Variants in GPC6 observed in about 807,000 individuals in gnomAD.
GPC6 encodes the protein glypican 6, also known as glypican-6.
A neutral mutation model predicts 55.2 loss-of-function variants in GPC6; 14 were observed. The observed-to-expected ratio is 0.25, with a 90% confidence interval of 0.17 to 0.40. The LOEUF (loss-of-function observed/expected upper bound fraction) is 0.40. Among genes scored for constraint, GPC6 ranks in the 10% least tolerant of loss-of-function variants. GPC6 has a pLI of 1.00. For synonymous variants in GPC6, 278 were observed against 259.6 expected (o/e 1.07, Z -0.68); for missense variants, 641 against 708.5 (o/e 0.90, Z 1.08).
intron 6 of GPC6, among the ~76,000 whole-genome samples, chr13:94,369,873 A>C (rs1197899580): frequency 6.6e-6 from 1 of 152,124 alleles, no homozygotes; most frequent in African/African-American, 2.4e-5. Context: ...CTAAAGTTAC[A>C]TTTGGAAAGA....
At chr13:93,919,526 T>G (rs556777874) in intron 3 of GPC6, among the ~76,000 whole-genome samples, 13 of 152,320 alleles carry the variant, frequency 8.5e-5, no homozygotes, top group Admixed American at 3.3e-4. Context: ...CATAAAAATG[T>G]CAGACACATC....
chr13:93,355,994 T>G (rs1880836757), intron 1 of GPC6, among the ~76,000 whole-genome samples: 1 of 152,068 alleles, frequency 6.6e-6, no homozygotes, highest in Non-Finnish European at 1.5e-5. Flanking sequence ...GGTGGTGTCT[T>G]AGCTCGAAAT....
intron 2 of GPC6, among the ~76,000 whole-genome samples, chr13:93,795,440 G>A (rs980549562): frequency 4.6e-5 from 7 of 152,196 alleles, no homozygotes; most frequent in African/African-American, 1.2e-4. Flanking sequence ...AGAGTCCCTC[G>A]TTTTCCTAGC....
At chr13:93,377,705 C>T (rs930331305) in intron 1 of GPC6, among the ~76,000 whole-genome samples, 7 of 152,198 alleles carry the variant, frequency 4.6e-5, no homozygotes, top group Admixed American at 4.6e-4. Flanking sequence ...TCCTGATGAA[C>T]ACCCTGATTT....
intron 1 of GPC6, among the ~76,000 whole-genome samples, chr13:93,517,636 T>A (rs1362614666): frequency 6.6e-6 from 1 of 152,040 alleles, no homozygotes; most frequent in Non-Finnish European, 1.5e-5. Context: ...GCTGTTGTAA[T>A]TTTTTTAGTC....
intron 2 of GPC6, among the ~76,000 whole-genome samples, chr13:93,670,442 A>G (rs1158985842): frequency 6.6e-6 from 1 of 152,236 alleles, no homozygotes; most frequent in Non-Finnish European, 1.5e-5. Flanking sequence ...ATTTGTGTTC[A>G]GTAATATTAA....
chr13:93,243,737 C>T lies in GPC6; in HGVS notation c.160+16121C>T, dbSNP rs548960267. On this transcript the variant is annotated intron_variant, in intron 1 of 8. Coordinates refer to ENST00000377047, the MANE Select transcript of GPC6 (RefSeq NM_005708.5). ...AGCGGGCTCAAGTCCTCCTGGGTAGCTGGGGTGGTGTGGACAATGGTGTTA... is the reference window on the plus strand; with the variant it reads ...AGCGGGCTCAAGTCCTCCTGGGTAGTTGGGGTGGTGTGGACAATGGTGTTA... Among the ~76,000 whole-genome samples the T allele has an allele frequency of 1.3e-3, 200 of 151,586 alleles. 2 individuals are homozygous for T. The highest frequency in any genetic ancestry group is 4.7e-3 in the African/African-American group (193 of 40,896).
intron 1 of GPC6, among the ~76,000 whole-genome samples, chr13:93,544,165 A>C (rs1882449150): frequency 6.6e-6 from 1 of 152,270 alleles, no homozygotes. Context: ...AATGACTTCA[A>C]AACAGCAAAA....
chr13:94,375,419 C>A (rs534734162), intron 6 of GPC6, among the ~76,000 whole-genome samples: 7,646 of 152,096 alleles, frequency 0.05, 629 homozygotes, highest in African/African-American at 0.17. Context: ...ACTACAAACA[C>A]CTCTATGCAA....
At chr13:93,713,155 A>G (rs1235784688) in intron 2 of GPC6, among the ~76,000 whole-genome samples, 2 of 151,642 alleles carry the variant, frequency 1.3e-5, no homozygotes, top group Non-Finnish European at 3.0e-5. Context: ...AACACATTTT[A>G]TCCAAAATAT....
chr13:94,043,177 C>T (rs1883603240), intron 4 of GPC6, among the ~76,000 whole-genome samples: 1 of 151,750 alleles, frequency 6.6e-6, no homozygotes, highest in Non-Finnish European at 1.5e-5. Context: ...CCTACCTGTT[C>T]TCCGGGGAGC....
intron 3 of GPC6, among the ~76,000 whole-genome samples, chr13:93,941,822 C>CATT (rs1433590439): frequency 1.3e-5 from 2 of 152,164 alleles, no homozygotes; most frequent in African/African-American, 4.8e-5. Context: ...AGAGAAAAGG[C>CATT]ATTATATCCT....
chr13:93,829,687 T>C (rs1887407125), intron 2 of GPC6, among the ~76,000 whole-genome samples: 1 of 152,224 alleles, frequency 6.6e-6, no homozygotes, highest in Non-Finnish European at 1.5e-5. Context: ...GACATTAATT[T>C]GAACATCTCA....
At chr13:93,580,011 C>A (rs769620843) in intron 2 of GPC6, among the ~76,000 whole-genome samples, 1 of 152,154 alleles carries the variant, frequency 6.6e-6, no homozygotes, top group Non-Finnish European at 1.5e-5. Context: ...ATTTCTCATT[C>A]CTTGTATGTC....
intron 4 of GPC6, among the ~76,000 whole-genome samples, chr13:94,113,662 C>T (rs947866189): frequency 3.9e-5 from 6 of 152,106 alleles, no homozygotes; most frequent in African/African-American, 1.2e-4. Flanking sequence ...TATTCAAATC[C>T]AGCCAACTAG....
At chr13:93,430,867 A>G (rs1309377998) in intron 1 of GPC6, among the ~76,000 whole-genome samples, 1 of 152,148 alleles carries the variant, frequency 6.6e-6, no homozygotes, top group Admixed American at 6.6e-5. Flanking sequence ...TGATATTGAC[A>G]GGAAGCAATT....
chr13:93,276,487 AGAGAGAGAGTGT>A (rs1186030039), intron 1 of GPC6, among the ~76,000 whole-genome samples: 33 of 135,892 alleles, frequency 2.4e-4, no homozygotes, highest in African/African-American at 9.2e-4. Flanking sequence ...AGAGAGAGAG[AGAGAGAGAGTGT>A]GTGTGTGTGT....
In GPC6 at chr13:93,281,586, G is replaced by A. The variant is rs534164327; in HGVS notation, c.160+53970G>A. Among the ~76,000 whole-genome samples, 3 of 152,286 alleles carry A rather than the reference G, an allele frequency of 2.0e-5. No individual in the cohort carries two copies. In the South Asian group the frequency reaches 6.2e-4, roughly 32 times the overall value. ...CCCAGCACTTTCGGAGGCCAAGGCA[G>A]GTGGATTACCTGAGGTCAGGAGTTC... On this transcript the variant is annotated intron_variant, in intron 1 of 8. Coordinates refer to ENST00000377047, the MANE Select transcript of GPC6 (RefSeq NM_005708.5).
At chr13:94,302,455 G>A (rs932710828) in intron 5 of GPC6, among the ~76,000 whole-genome samples, 1 of 152,188 alleles carries the variant, frequency 6.6e-6, no homozygotes, top group African/African-American at 2.4e-5. Context: ...TCTGTGATTA[G>A]ATTTCAACTT....
Sources: gnomAD v4.1 joint callset for allele counts (sites outside exome capture counted in the v4.1 genomes callset) on GRCh38, gnomAD v4.1.1 for gene constraint, MANE v1.5 for transcripts, NCBI Gene and HGNC (gene_info 2026-07-23, HGNC 2026-07-21) for gene names.